The following CHD5 variants were observed in gnomAD, a reference collection of about 807,000 sequenced individuals.
CHD5 encodes ATP-dependent chromatin remodeler CHD5.
CHD5 carries 69 observed loss-of-function variants against 230.3 expected under a neutral mutation model. The ratio of observed to expected loss-of-function variants is 0.30; its 90% CI spans 0.25 to 0.37. CHD5 has a LOEUF of 0.37. Ranked by LOEUF, CHD5 falls within the 10% of genes least tolerant of loss-of-function variation. The pLI, the probability that CHD5 is intolerant of heterozygous loss-of-function variation, is 1.00. For missense variants in CHD5, 1,827 were observed against 2,622.8 expected (o/e 0.70, Z 6.63); for synonymous variants, 1,064 against 1,065.9 (o/e 1.00, Z 0.03).
chr1:6,139,715 T>C (rs1400869696), intron 15 of CHD5, among the ~76,000 whole-genome samples: 1 of 152,176 alleles, frequency 6.6e-6, no homozygotes, highest in African/African-American at 2.4e-5. Context: ...TGTGCCCAGC[T>C]GAACTGTACT....
rs1327631370 is a variant in CHD5, at chr1:6,129,149, A to T, written c.3388-80T>A. On this transcript the variant is annotated intron_variant, in intron 22 of 41. Coordinates refer to ENST00000262450, the MANE Select transcript of CHD5 (RefSeq NM_015557.3). This position sits in a 1 kb window ranked among gnomAD's most constrained non-coding sequence, Gnocchi z 6.8. ...AGGAGATCACACCCATGAGCTCAAG[A>T]GCATGGAATGGGCTGCATGACTGTG... 1.1e-6 allele frequency: 1 copy of T among 948,596 alleles called. No individual in the cohort carries two copies. The highest frequency in any genetic ancestry group is 2.5e-5 in the East Asian group (1 of 40,288). 58.8% of individuals were successfully genotyped at this position (948,596 alleles called of 1,614,324 possible).
At chr1:6,153,422 A>G (rs1418589477) in intron 5 of CHD5, among the ~76,000 whole-genome samples, 1 of 152,206 alleles carries the variant, frequency 6.6e-6, no homozygotes, top group Non-Finnish European at 1.5e-5. Flanking sequence ...CACTTCACCC[A>G]CCAGGCTCCC....
intron 25 of CHD5, chr1:6,127,031 T>G (rs1473093833): frequency 2.9e-5 from 13 of 447,398 alleles, no homozygotes; most frequent in East Asian, 1.8e-4. Flanking sequence ...AAGCTCCCCC[T>G]TGCCTGCCCT....
At chr1:6,124,180 G>T in intron 30 of CHD5, 73 bp from the exon 31 acceptor site, 1 of 1,369,272 alleles carries the variant, frequency 7.3e-7, no homozygotes, top group South Asian at 1.3e-5. Context: ...AAGGGCCTCA[G>T]GGCAGCCAGG....
At chr1:6,159,203 G>C in intron 3 of CHD5, 133 bp downstream of exon 3, 2 of 1,455,866 alleles carry the variant, frequency 1.4e-6, no homozygotes, top group Non-Finnish European at 1.8e-6. Context: ...CTGCACTCCA[G>C]CCTGGCAACA....
chr1:6,170,181 G>A lies in CHD5; in HGVS notation c.80-1904C>T, dbSNP rs193023665. 2.6e-4 allele frequency among the ~76,000 whole-genome samples: 39 copies of A among 152,106 alleles called. 1 individual carries two copies. The East Asian group carries it at 6.8e-3, about 27-fold the overall frequency. On this transcript the variant is annotated intron_variant, in intron 1 of 41. Transcript: ENST00000262450. The stretch of plus-strand genomic sequence containing the variant: ...CTGGTGACCCCTGGGTCACCAAAAG[G>A]GCTTCGAGGCGACCCCCAGTGTGGC...
rs151034675 is a variant in CHD5 at position 6,124,479 on chromosome 1, G to A, written c.4539+38C>T. ...AGGGACAGCACCAGGAGCCCAGGCA[G>A]CCACCAGGAAGGGCCCTACAGAGAG... On this transcript the variant is annotated intron_variant, in intron 30 of 41. Transcript: ENST00000262450. 7.4e-3 allele frequency: 11,869 copies of A among 1,611,944 alleles called. 91 individuals are homozygous for A. The highest frequency in any genetic ancestry group is 0.026 in the South Asian group (2,361 of 90,942).
chr1:6,107,149 G>A (rs1189001291), intron 38 of CHD5, among the ~76,000 whole-genome samples: 4 of 144,030 alleles, frequency 2.8e-5, no homozygotes, highest in African/African-American at 1.0e-4. Flanking sequence ...GGATAATGGA[G>A]CGAAGATGGA....
At chr1:6,120,692 C>G (rs1361917837) in intron 33 of CHD5, among the ~76,000 whole-genome samples, 1 of 152,076 alleles carries the variant, frequency 6.6e-6, no homozygotes, top group Admixed American at 6.6e-5. Flanking sequence ...GTCCCAGCTA[C>G]AAGAGATCGA....
intron 7 of CHD5, 80 bp from the exon 8 acceptor site, chr1:6,149,492 C>A: frequency 6.9e-7 from 1 of 1,443,664 alleles, no homozygotes. Flanking sequence ...CCAGGCCAGA[C>A]AGGCACAGAG....
chr1:6,119,635 C>T (rs1360616796), intron 33 of CHD5, among the ~76,000 whole-genome samples: 1 of 151,866 alleles, frequency 6.6e-6, no homozygotes, highest in African/African-American at 2.4e-5. Context: ...AAACCAAATA[C>T]TAGTAAAGAT....
rs1666650201 is a variant in CHD5, at chr1:6,131,124, T to G, written c.3262+507A>C. On this transcript the variant is annotated intron_variant, in intron 21 of 41. Coordinates refer to ENST00000262450, the MANE Select transcript of CHD5 (RefSeq NM_015557.3). The surrounding 1 kb of genome is among the most constrained non-coding windows in gnomAD (Gnocchi z 5.0). ...CCGACTGCTTCCCACTCCAGAAGTT[T>G]CTTTTGCTACAGGAGGAACTCCACC... is the stretch of plus-strand genomic sequence containing the variant. Among the ~76,000 whole-genome samples the G allele has an allele frequency of 6.6e-6, 1 of 152,186 alleles. No individual in the cohort carries two copies. The highest frequency in any genetic ancestry group is 2.4e-5 in the African/African-American group (1 of 41,448).
At chr1:6,127,488 GA>G (rs60445684) in intron 25 of CHD5, among the ~76,000 whole-genome samples, 110 of 141,004 alleles carry the variant, frequency 7.8e-4, no homozygotes, top group Middle Eastern at 3.8e-3. Context: ...TCCATTTCAA[GA>G]AAAAAAAAAA....
chr1:6,149,551 G>C, intron 7 of CHD5, 139 bp from the exon 8 acceptor site: 2 of 696,224 alleles, frequency 2.9e-6, no homozygotes, highest in South Asian at 6.7e-5. Flanking sequence ...TGAATAGACT[G>C]ATGGTTGAGG....
chr1:6,135,974 C>T (rs1179075384), intron 17 of CHD5, among the ~76,000 whole-genome samples: 5 of 152,086 alleles, frequency 3.3e-5, no homozygotes, highest in Admixed American at 3.3e-4. Flanking sequence ...CAAGCCACTG[C>T]ACTCTGGCCT....
rs1448346859 is a variant in CHD5 at position 6,142,401 on chromosome 1, C to T, written c.2235+13G>A. 6 of 1,599,962 alleles carry T rather than the reference C, an allele frequency of 3.8e-6. No individual in the cohort carries two copies. In the South Asian group the frequency reaches 6.6e-5, roughly 18 times the overall value. ...CCAGCCACCCCTCCTGGCCGCCTGCCCCGCCTGCCCACCTCCTTGTAGAGG... is the reference window on the plus strand; with the variant it reads ...CCAGCCACCCCTCCTGGCCGCCTGCTCCGCCTGCCCACCTCCTTGTAGAGG... On this transcript the variant is annotated intron_variant, in intron 14 of 41. Transcript: ENST00000262450. The surrounding 1 kb of genome is among the most constrained non-coding windows in gnomAD (Gnocchi z 5.2).
chr1:6,146,803 G>A lies in CHD5; in HGVS notation c.1452C>T (p.Phe484=). Residue 484 remains phenylalanine, a synonymous_variant, in exon 10 of 42, where the codon TTC becomes TTT. Coordinates refer to ENST00000262450, the MANE Select transcript of CHD5 (RefSeq NM_015557.3). This position sits in a 1 kb window ranked among gnomAD's most constrained non-coding sequence, Gnocchi z 5.1. ...CGTCAGGCCCCGGCAGCCCCACCAT[G>A]AAGGGGGCAGGGGGCTCCGTCCACC... ...HWRWTEPPAP[F]MVGLPGPDVE... The A allele has an allele frequency of 6.3e-7, 1 of 1,590,140 alleles. No homozygotes were observed.
chr1:6,173,495 G>C (rs1046318004), intron 1 of CHD5, among the ~76,000 whole-genome samples: 1 of 152,058 alleles, frequency 6.6e-6, no homozygotes, highest in African/African-American at 2.4e-5. Flanking sequence ...GGGAGCAACA[G>C]GGGCAGCAGA....
chr1:6,154,589 G>T lies in CHD5; in HGVS notation c.745+71C>A. On this transcript the variant is annotated intron_variant, in intron 5 of 41. Transcript: ENST00000262450. The surrounding 1 kb of genome is among the most constrained non-coding windows in gnomAD (Gnocchi z 7.0). ...CCCTCCCTGCCCGCGTCTGCCCCGT[G>T]GCTTCTCCTATAGGGTCTGAAAGGG... 7.2e-7 allele frequency: 1 copy of T among 1,398,490 alleles called. No individual in the cohort carries two copies. The allele number at this position is 1,398,490 out of a possible 1,614,324, so 86.6% of individuals were successfully genotyped here.
Sources: gnomAD v4.1 joint callset for allele counts (sites outside exome capture counted in the v4.1 genomes callset) on GRCh38, gnomAD v4.1.1 for gene constraint, Gnocchi (gnomAD v3.1) non-coding constraint, MANE v1.5 for transcripts, NCBI Gene and HGNC (gene_info 2026-07-23, HGNC 2026-07-21) for gene names.